Variants in FOXP2 observed in about 807,000 individuals in gnomAD.
FOXP2 encodes the protein forkhead box P2.
FOXP2 carries 12 observed loss-of-function variants against 115.8 expected under a neutral mutation model. That is an observed-to-expected ratio of 0.10 (90% CI 0.07 to 0.17). The LOEUF (loss-of-function observed/expected upper bound fraction) is 0.17, where lower values mean the gene tolerates loss of function less well. FOXP2 is among the 10% of genes least tolerant of loss of function. The probability of loss-of-function intolerance (pLI) is 1.00; values close to 1 mark genes in which losing one functional copy is unlikely to be tolerated. For synonymous variants in FOXP2, 328 were observed against 297.7 expected (o/e 1.10, Z -1.05); for missense variants, 629 against 843.5 (o/e 0.75, Z 3.15).
At chr7:114,290,389 TCA>T (rs1347570574) in intron 2 of FOXP2, among the ~76,000 whole-genome samples, 1 of 152,016 alleles carries the variant, frequency 6.6e-6, no homozygotes. Context: ...TTCAAGATAT[TCA>T]GTTATTTTCA....
At chr7:114,204,583 A>C (rs1794153103) in intron 1 of FOXP2, among the ~76,000 whole-genome samples, 1 of 152,180 alleles carries the variant, frequency 6.6e-6, no homozygotes, top group African/African-American at 2.4e-5. Context: ...ATAATATCTC[A>C]TACAACTGTT....
chr7:114,599,919 A>G (rs959560756), intron 3 of FOXP2, among the ~76,000 whole-genome samples: 1 of 152,158 alleles, frequency 6.6e-6, no homozygotes, highest in African/African-American at 2.4e-5. Flanking sequence ...AAATACAGAG[A>G]GTTCCCTTAT....
rs1457643702 is a variant in FOXP2 at position 114,578,928 on chromosome 7, G to A, written c.258+44222G>A. 2.6e-5 allele frequency among the ~76,000 whole-genome samples: 4 copies of A among 152,028 alleles called. 1 individual carries two copies. Among genetic ancestry groups the A allele is most frequent in the Admixed American group, 1.3e-4 (2 of 15,260 alleles). ...TTAGGACTTCAGCTAGGAGAAAAAG[G>A]ACACTTAAAAAACATATATAAGGCA... On this transcript the variant is annotated intron_variant, in intron 3 of 16. Transcript: ENST00000350908.
intron 2 of FOXP2, among the ~76,000 whole-genome samples, chr7:114,349,184 A>G (rs993787746): frequency 1.3e-5 from 2 of 152,090 alleles, no homozygotes; most frequent in African/African-American, 4.8e-5. Flanking sequence ...ATGAAATGCA[A>G]CTAAGAACCA....
At chr7:114,127,754 G>C (rs886159568) in intron 1 of FOXP2, among the ~76,000 whole-genome samples, 3 of 152,106 alleles carry the variant, frequency 2.0e-5, no homozygotes, top group African/African-American at 7.2e-5. Flanking sequence ...TGTGTTCTGT[G>C]ACTGTGTAAT....
chr7:114,219,509 G>A (rs1241650845), intron 1 of FOXP2, among the ~76,000 whole-genome samples: 3 of 152,032 alleles, frequency 2.0e-5, no homozygotes, highest in Non-Finnish European at 2.9e-5. Context: ...AACATTGTTA[G>A]CACTTTAAAC....
chr7:114,213,010 C>G (rs968712511), intron 1 of FOXP2, among the ~76,000 whole-genome samples: 7 of 152,184 alleles, frequency 4.6e-5, no homozygotes, highest in Non-Finnish European at 1.0e-4. Flanking sequence ...CTGAATTTGA[C>G]TTACAGAAGA....
At chr7:114,464,066 G>C (rs907941806) in intron 2 of FOXP2, among the ~76,000 whole-genome samples, 3 of 152,130 alleles carry the variant, frequency 2.0e-5, no homozygotes, top group Non-Finnish European at 4.4e-5. Context: ...GCAGCTCCTT[G>C]TTTCCAAACC....
chr7:114,201,421 C>G (rs1794061605), intron 1 of FOXP2, among the ~76,000 whole-genome samples: 1 of 152,080 alleles, frequency 6.6e-6, no homozygotes, highest in South Asian at 2.1e-4. Context: ...ATGTTCATTC[C>G]ACAACATCCC....
rs1305130978 is a variant in FOXP2 at position 114,630,016 on chromosome 7, G to A, written c.597+11G>A. ...AAGCAAGCGAAAGAGGTAGGATCCG[G>A]TTATCTCATTGATACATAACAGTTT... On this transcript the variant is annotated intron_variant, in intron 5 of 16. Coordinates refer to ENST00000350908, the MANE Select transcript of FOXP2 (RefSeq NM_014491.4). 6.2e-7 allele frequency: 1 copy of A among 1,600,966 alleles called. No homozygotes were observed. Among genetic ancestry groups the A allele is most frequent in the Non-Finnish European group, 8.5e-7 (1 of 1,177,772 alleles).
rs1799463600 is a variant in FOXP2, at chr7:114,088,157, C to G, written c.-247+319C>G. On this transcript the variant is annotated intron_variant, in intron 1 of 19. Transcript: ENST00000635638. ...CACACACATACACACTTTTTTTTTT[C>G]CCCACCACATATTAAAATCCAGTAA... 3 of 146,274 alleles carry G rather than the reference C, an allele frequency of 2.1e-5. 1 individual carries two copies. Among genetic ancestry groups the G allele is most frequent in the African/African-American group, 2.5e-5 (1 of 39,994 alleles). The allele number at this position is 146,274 out of a possible 1,614,324, so 9.1% of individuals were successfully genotyped here.
At chr7:114,229,820 C>T (rs1688590706) in intron 1 of FOXP2, among the ~76,000 whole-genome samples, 2 of 151,438 alleles carry the variant, frequency 1.3e-5, no homozygotes, top group African/African-American at 4.8e-5. Flanking sequence ...ATGAACTTGA[C>T]TCTACACCGT....
Position 114,488,380 on chromosome 7 carries a change from C to A in FOXP2, c.169-46237C>A, listed in dbSNP as rs1383064552. Among the ~76,000 whole-genome samples, 7 of 152,140 alleles carry A rather than the reference C, an allele frequency of 4.6e-5. No individual in the cohort carries two copies. In the East Asian group the frequency reaches 1.3e-3, roughly 29 times the overall value. On this transcript the variant is annotated intron_variant, in intron 2 of 16. Transcript: ENST00000350908. ...TATCAGTGTCATATGAGGAGGTTAA[C>A]ACTTACAAAGACTGGCTACTTATAC...
intron 3 of FOXP2, among the ~76,000 whole-genome samples, chr7:114,601,575 A>G (rs902552398): frequency 5.3e-5 from 8 of 152,054 alleles, no homozygotes; most frequent in African/African-American, 1.9e-4. Context: ...GTAGATTCAG[A>G]TGATCAATTT....
intron 2 of FOXP2, among the ~76,000 whole-genome samples, chr7:114,295,562 C>A (rs561216680): frequency 6.6e-6 from 1 of 152,176 alleles, no homozygotes; most frequent in South Asian, 2.1e-4. Flanking sequence ...ATATGATATC[C>A]AAGGGATGAC....
chr7:114,229,694 T>TA (rs1426761117), intron 1 of FOXP2, among the ~76,000 whole-genome samples: 6 of 150,680 alleles, frequency 4.0e-5, no homozygotes, highest in Admixed American at 6.6e-5. Flanking sequence ...CTCTTGAGAT[T>TA]AAAAAAAACA....
At chr7:114,407,904 A>T (rs1793072758) in intron 2 of FOXP2, among the ~76,000 whole-genome samples, 1 of 152,180 alleles carries the variant, frequency 6.6e-6, no homozygotes, top group South Asian at 2.1e-4. Context: ...CTTATATATT[A>T]GTCCATGTTT....
intron 1 of FOXP2, among the ~76,000 whole-genome samples, chr7:114,246,321 C>T (rs938560419): frequency 2.6e-5 from 4 of 152,048 alleles, no homozygotes; most frequent in Non-Finnish European, 5.9e-5. Flanking sequence ...CAAACAAAAT[C>T]ATCAAACTTA....
intron 1 of FOXP2, among the ~76,000 whole-genome samples, chr7:114,102,748 A>G (rs973913136): frequency 1.3e-4 from 20 of 149,234 alleles, no homozygotes; most frequent in African/African-American, 4.8e-4. Flanking sequence ...ATGGTTATTC[A>G]TATAAATATA....
Sources: allele counts gnomAD v4.1 joint callset (sites outside exome capture counted in the v4.1 genomes callset), GRCh38; gene constraint gnomAD v4.1.1; transcripts MANE v1.5; gene names NCBI Gene and HGNC (gene_info 2026-07-23, HGNC 2026-07-21).